The following SDF2 variants were observed in gnomAD, a reference collection of about 807,000 sequenced individuals.
SDF2 encodes stromal cell derived factor 2, also known as stromal cell-derived factor 2.
In SDF2, 12 loss-of-function variants were observed where a neutral mutation model predicts 20.5. That is an observed-to-expected ratio of 0.58 (90% CI 0.37 to 0.95). SDF2 has a LOEUF of 0.95. Among genes scored for constraint, SDF2 ranks in the 40% least tolerant of loss-of-function variants. The pLI is 0.01. For missense variants in SDF2, 238 were observed against 263.1 expected, an observed-to-expected ratio of 0.90 and a Z score of 0.66; for synonymous variants, 100 against 101.0, an observed-to-expected ratio of 0.99 and a Z score of 0.06.
At chr17:28,650,485 T>C (rs901218100) in intron 2 of SDF2, among the ~76,000 whole-genome samples, 11 of 152,136 alleles carry the variant, frequency 7.2e-5, no homozygotes, top group African/African-American at 2.4e-4. Context: ...TTTTTTTTCT[T>C]TTTAAGAGTT....
rs2071891088 is a variant in SDF2, at chr17:28,649,186, C to T, written c.439G>A (p.Glu147Lys). The T allele has an allele frequency of 6.2e-7, 1 of 1,614,224 alleles. No individual in the cohort carries two copies. Among genetic ancestry groups the T allele is most frequent in the Non-Finnish European group, 8.5e-7 (1 of 1,180,036 alleles). Residue 147 changes from glutamate (E) to lysine (K), a missense_variant, in exon 3 of 3, where the codon GAG becomes AAG. Coordinates refer to ENST00000247020, the MANE Select transcript of SDF2 (RefSeq NM_006923.4). ...GTGGAAGAGTGTTTGAACCGCACCT[C>T]ACCATCTCTCACCCAGTAGGGTCCA... is the stretch of plus-strand genomic sequence containing the variant. ...CNGPYWVRDG[E>K]VRFKHSSTEV...
At chr17:28,652,339 C>G (rs2071921801) in intron 2 of SDF2, among the ~76,000 whole-genome samples, 1 of 151,950 alleles carries the variant, frequency 6.6e-6, no homozygotes, top group Non-Finnish European at 1.5e-5. Context: ...GAGACAGAGT[C>G]TCGCCCTGTC....
rs996280241 is a variant in SDF2, at chr17:28,648,867, A to G, written c.*122T>C. The G allele has an allele frequency of 3.1e-6, 3 of 966,836 alleles. No individual in the cohort carries two copies. The highest frequency in any genetic ancestry group is 4.7e-6 in the Non-Finnish European group (3 of 635,736). 59.9% of individuals were successfully genotyped at this position (966,836 alleles called of 1,614,324 possible). ...AAACACAGCCACTATTTTCTGTTGT[A>G]TATCTTCATCTCAATGGTGACATGG... On this transcript the variant is annotated 3_prime_UTR_variant, in exon 3 of 3. Transcript: ENST00000247020.
intron 2 of SDF2, 39 bp from the exon 3 acceptor site, chr17:28,649,315 C>G: frequency 6.3e-7 from 1 of 1,595,794 alleles, no homozygotes; most frequent in Non-Finnish European, 8.6e-7. Context: ...GCATGGCTGA[C>G]AAGGGCTTGA....
intron 1 of SDF2, among the ~76,000 whole-genome samples, chr17:28,658,703 C>A (rs562076519): frequency 6.6e-6 from 1 of 152,224 alleles, no homozygotes; most frequent in South Asian, 2.1e-4. Flanking sequence ...CTTTTCCCCA[C>A]ATTTCCCCCT....
intron 1 of SDF2, among the ~76,000 whole-genome samples, chr17:28,656,513 G>A (rs564167133): frequency 1.4e-3 from 211 of 152,156 alleles, no homozygotes; most frequent in Middle Eastern, 6.8e-3. Context: ...GCTTGAACCC[G>A]GGAGGTGGAG....
At chr17:28,653,786 T>C (rs1031381971) in intron 2 of SDF2, among the ~76,000 whole-genome samples, 3 of 152,092 alleles carry the variant, frequency 2.0e-5, no homozygotes, top group African/African-American at 7.2e-5. Context: ...CACTCCAGCC[T>C]GGGACAGAGC....
chr17:28,657,106 A>T (rs761584215), intron 1 of SDF2, among the ~76,000 whole-genome samples: 1 of 152,128 alleles, frequency 6.6e-6, no homozygotes, highest in African/African-American at 2.4e-5. Context: ...ATGTGCCTGT[A>T]ATCCCAGCTA....
chr17:28,662,054 C>G (rs1293111549), upstream of SDF2: 3 of 672,308 alleles, frequency 4.5e-6, no homozygotes, highest in Non-Finnish European at 4.9e-6. Flanking sequence ...ACGATACTCT[C>G]GCTCTGTTCC....
intron 2 of SDF2, chr17:28,651,622 T>C (rs185865843): frequency 1.3e-5 from 2 of 152,358 alleles, no homozygotes; most frequent in African/African-American, 4.8e-5. Context: ...GAGCAAAACA[T>C]AGCAAGTTTT....
chr17:28,662,165 G>A (rs959387614), upstream of SDF2: 2 of 314,912 alleles, frequency 6.4e-6, no homozygotes, highest in African/African-American at 2.1e-5. Context: ...GAAATGGCCC[G>A]CCCACTCCCG....
intron 2 of SDF2, among the ~76,000 whole-genome samples, chr17:28,654,699 C>A (rs972632709): frequency 6.6e-6 from 1 of 152,014 alleles, no homozygotes; most frequent in African/African-American, 2.4e-5. Flanking sequence ...CACTTGTAAT[C>A]CCAGCACTTT....
chr17:28,656,979 A>G (rs992533833), intron 1 of SDF2, among the ~76,000 whole-genome samples: 17 of 152,198 alleles, frequency 1.1e-4, no homozygotes, highest in Non-Finnish European at 2.4e-4. Flanking sequence ...CTGTAATCCC[A>G]GCACTTTGGG....
At chr17:28,650,784 C>T (rs1003718361) in intron 2 of SDF2, among the ~76,000 whole-genome samples, 4 of 102,142 alleles carry the variant, frequency 3.9e-5, no homozygotes, top group Non-Finnish European at 5.2e-5. Context: ...GCCTGGATGA[C>T]AAGAGTGAGA....
At chr17:28,658,181 C>T (rs1416907522) in intron 1 of SDF2, among the ~76,000 whole-genome samples, 2 of 151,820 alleles carry the variant, frequency 1.3e-5, no homozygotes, top group Non-Finnish European at 2.9e-5. Flanking sequence ...CCGTTCACTT[C>T]TTCCTCCAAA....
At chr17:28,658,641 T>G (rs924718612) in intron 1 of SDF2, among the ~76,000 whole-genome samples, 2 of 152,146 alleles carry the variant, frequency 1.3e-5, no homozygotes, top group African/African-American at 4.8e-5. Flanking sequence ...AAATGGAGTC[T>G]CCTATGTCTA....
At chr17:28,662,102 G>A (rs1169026610), upstream of SDF2, 13 of 442,204 alleles carry the variant, frequency 2.9e-5, no homozygotes, top group South Asian at 8.1e-5. Context: ...AGCCGCTTCG[G>A]TTACCTTTCG....
intron 1 of SDF2, among the ~76,000 whole-genome samples, chr17:28,658,269 T>A (rs1347987137): frequency 6.6e-6 from 1 of 151,608 alleles, no homozygotes; most frequent in East Asian, 1.9e-4. Context: ...TTTTTTTTTT[T>A]AGTATTTATT....
chr17:28,653,101 G>T (rs1406942548), intron 2 of SDF2, among the ~76,000 whole-genome samples: 1 of 152,224 alleles, frequency 6.6e-6, no homozygotes, highest in Non-Finnish European at 1.5e-5. Flanking sequence ...TCTCCAGTCT[G>T]TAAGAGTGAA....
Sources: gnomAD v4.1 joint callset for allele counts (sites outside exome capture counted in the v4.1 genomes callset) on GRCh38, gnomAD v4.1.1 for gene constraint, MANE v1.5 for transcripts, NCBI Gene and HGNC (gene_info 2026-07-23, HGNC 2026-07-21) for gene names.